Variants in TAFA2 observed in about 807,000 individuals in gnomAD.
TAFA2 encodes the protein TAFA chemokine like family member 2, also known as chemokine-like protein TAFA-2.
TAFA2 carries 7 observed loss-of-function variants against 18.8 expected under a neutral mutation model. That is an observed-to-expected ratio of 0.37 (90% CI 0.21 to 0.70). The LOEUF (loss-of-function observed/expected upper bound fraction) is 0.70. Among genes scored for constraint, TAFA2 ranks in the 30% least tolerant of loss-of-function variants. The probability of loss-of-function intolerance (pLI) is 0.53; values close to 1 mark genes in which losing one functional copy is unlikely to be tolerated. For missense variants in TAFA2, 122 were observed against 158.1 expected (o/e 0.77, Z 1.23); for synonymous variants, 60 against 54.2 (o/e 1.11, Z -0.47).
In TAFA2 at chr12:61,936,945, A is replaced by G. The variant is rs117752177; in HGVS notation, c.-1-69519T>C. On this transcript the variant is annotated intron_variant, in intron 1 of 4. Coordinates refer to ENST00000416284, the MANE Select transcript of TAFA2 (RefSeq NM_178539.5). Reference sequence around the variant, plus strand: ...AAAGACTCCTCCAAATGACTACTAGATTTAATAAACAATGTCTCAGGTTAC... The same window carrying G: ...AAAGACTCCTCCAAATGACTACTAGGTTTAATAAACAATGTCTCAGGTTAC... Among the ~76,000 whole-genome samples, 29 of 152,294 alleles carry G rather than the reference A, an allele frequency of 1.9e-4. No individual in the cohort carries two copies. In the East Asian group the frequency reaches 4.2e-3, roughly 22 times the overall value.
chr12:62,140,533 C>G (rs1305978782), intron 1 of TAFA2: 5 of 152,244 alleles, frequency 3.3e-5, no homozygotes, highest in Admixed American at 3.3e-4. Flanking sequence ...TTTTTCAGAC[C>G]CACATCACAA....
chr12:62,095,616 T>C (rs1376322080), intron 1 of TAFA2, among the ~76,000 whole-genome samples: 1 of 152,082 alleles, frequency 6.6e-6, no homozygotes, highest in Non-Finnish European at 1.5e-5. Context: ...CTATAAATGG[T>C]TAAAAAGCAA....
intron 1 of TAFA2, among the ~76,000 whole-genome samples, chr12:61,964,834 C>T (rs1353976850): frequency 2.6e-5 from 4 of 151,876 alleles, no homozygotes; most frequent in Non-Finnish European, 5.9e-5. Context: ...ATGTGAACTT[C>T]CTATGTGAAG....
At chr12:61,726,664 T>C (rs1299368911) in intron 4 of TAFA2, among the ~76,000 whole-genome samples, 1 of 152,098 alleles carries the variant, frequency 6.6e-6, no homozygotes, top group African/African-American at 2.4e-5. Context: ...AGGTATCCAA[T>C]CATATCACCA....
intron 2 of TAFA2, among the ~76,000 whole-genome samples, chr12:61,784,712 A>AC (rs1042387718): frequency 2.7e-5 from 4 of 150,928 alleles, no homozygotes; most frequent in Non-Finnish European, 5.9e-5. Context: ...CAAAAAAAAA[A>AC]AGTTTATTTC....
chr12:61,967,387 G>A (rs190767399), intron 1 of TAFA2, among the ~76,000 whole-genome samples: 4 of 151,886 alleles, frequency 2.6e-5, no homozygotes, highest in Admixed American at 1.3e-4. Flanking sequence ...GTCCTTACAT[G>A]CAAGATATAA....
At chr12:62,110,830 A>C (rs549505436) in intron 1 of TAFA2, among the ~76,000 whole-genome samples, 2 of 151,920 alleles carry the variant, frequency 1.3e-5, no homozygotes, top group South Asian at 4.1e-4. Context: ...TGGGATCAGC[A>C]GTGATATCCC....
chr12:62,205,493 T>C (rs2062688055), intron 1 of TAFA2, among the ~76,000 whole-genome samples: 1 of 152,192 alleles, frequency 6.6e-6, no homozygotes, highest in South Asian at 2.1e-4. Context: ...TCCATCCCAG[T>C]GATATCAGAG....
intron 1 of TAFA2, among the ~76,000 whole-genome samples, chr12:62,005,389 C>A (rs1393552112): frequency 6.6e-6 from 1 of 152,028 alleles, no homozygotes; most frequent in Non-Finnish European, 1.5e-5. Flanking sequence ...TTCTTCCTTC[C>A]TTCCATTTCC....
chr12:62,101,550 T>C (rs1869203030), intron 1 of TAFA2, among the ~76,000 whole-genome samples: 1 of 152,194 alleles, frequency 6.6e-6, no homozygotes, highest in Admixed American at 6.5e-5. Context: ...TTCAAGCAGG[T>C]TCCAAGGCAG....
chr12:62,031,917 G>A (rs749489976), intron 1 of TAFA2, among the ~76,000 whole-genome samples: 9 of 152,108 alleles, frequency 5.9e-5, no homozygotes, highest in South Asian at 2.1e-4. Context: ...TAGTTTATCC[G>A]ATAAGAAAAT....
chr12:61,933,284 C>T (rs1283920750), intron 1 of TAFA2, among the ~76,000 whole-genome samples: 1 of 152,134 alleles, frequency 6.6e-6, no homozygotes, highest in Non-Finnish European at 1.5e-5. Context: ...TTAAAAACAT[C>T]TTTAACAGCT....
chr12:61,767,603 T>C (rs1869845863), intron 2 of TAFA2, among the ~76,000 whole-genome samples: 1 of 152,190 alleles, frequency 6.6e-6, no homozygotes, highest in African/African-American at 2.4e-5. Flanking sequence ...AACAAAATCT[T>C]TTCTCACACA....
At chr12:62,089,455 A>AT (rs34107527) in intron 1 of TAFA2, among the ~76,000 whole-genome samples, 4 of 151,910 alleles carry the variant, frequency 2.6e-5, no homozygotes, top group East Asian at 1.9e-4. Context: ...CTCAAAGCTG[A>AT]TTTTTTTTAA....
intron 2 of TAFA2, among the ~76,000 whole-genome samples, chr12:61,769,165 AT>A (rs931699229): frequency 6.6e-6 from 1 of 151,910 alleles, no homozygotes; most frequent in African/African-American, 2.4e-5. Context: ...CTATATCCTT[AT>A]CCCCCAAAGC....
intron 1 of TAFA2, among the ~76,000 whole-genome samples, chr12:62,215,971 ATC>A: frequency 6.6e-6 from 1 of 152,118 alleles, no homozygotes; most frequent in Non-Finnish European, 1.5e-5. Context: ...GAGACCCTGT[ATC>A]ACCATGGCAA....
chr12:62,231,274 A>G (rs2062810928), intron 1 of TAFA2, among the ~76,000 whole-genome samples: 1 of 152,084 alleles, frequency 6.6e-6, no homozygotes, highest in Non-Finnish European at 1.5e-5. Context: ...TGTTTGCTCC[A>G]ATGTTGGGTG....
In TAFA2 at chr12:62,101,992, GA is replaced by G. The variant is rs556457328; in HGVS notation, c.-2+89266del. Among the ~76,000 whole-genome samples the G allele has an allele frequency of 1.8e-4, 27 of 148,728 alleles. No homozygotes were observed. In the South Asian group the frequency reaches 2.6e-3, roughly 14 times the overall value. On this transcript the variant is annotated intron_variant, in intron 1 of 4. Coordinates refer to ENST00000416284, the MANE Select transcript of TAFA2 (RefSeq NM_178539.5). ...ACAGGAGGTTGGAGAAAGATTCATA[GA>G]AAAAAAAAAGTGACAGTACTAATGG...
At chr12:62,256,094 C>T (rs1019335952) in intron 1 of TAFA2, among the ~76,000 whole-genome samples, 1 of 151,992 alleles carries the variant, frequency 6.6e-6, no homozygotes, top group Non-Finnish European at 1.5e-5. Context: ...CATGGTGAAA[C>T]CCTGTCTCTA....
Sources: allele counts gnomAD v4.1 joint callset (sites outside exome capture counted in the v4.1 genomes callset), GRCh38; gene constraint gnomAD v4.1.1; transcripts MANE v1.5; gene names NCBI Gene and HGNC (gene_info 2026-07-23, HGNC 2026-07-21).